ABCA8: variants seen among roughly 807,000 people sequenced by gnomAD.
ABCA8 encodes ABC-type organic anion transporter ABCA8.
Under a neutral mutation model 192.3 loss-of-function variants are expected in ABCA8, and 177 were observed. That is an observed-to-expected ratio of 0.92 (90% CI 0.81 to 1.04). The LOEUF is 1.04. Ranked by LOEUF, ABCA8 falls within the 50% of genes least tolerant of loss-of-function variation. The pLI, the probability that ABCA8 is intolerant of heterozygous loss-of-function variation, is 0.00. For missense variants in ABCA8, 1,915 were observed against 1,904.8 expected (o/e 1.01, Z -0.10); for synonymous variants, 642 against 690.2 (o/e 0.93, Z 1.09).
At position 68,888,108 on chromosome 17, in the gene ABCA8, T is replaced by C. The variant is rs185984601; in HGVS notation, c.3145-602A>G. Among the ~76,000 whole-genome samples, 259 of 148,694 alleles carry C rather than the reference T, an allele frequency of 1.7e-3. 2 individuals carry two copies. Among genetic ancestry groups the C allele is most frequent in the East Asian group, 0.011 (57 of 5,054 alleles). ...ACACACATACACACACACACACACA[T>C]ATATAATTGCTTTATCCTTTAATTG... is the stretch of plus-strand genomic sequence containing the variant. On this transcript the variant is annotated intron_variant, in intron 24 of 39. Coordinates refer to ENST00000586539, the MANE Select transcript of ABCA8 (RefSeq NM_001288985.2).
intron 21 of ABCA8, 63 bp from the exon 22 acceptor site, chr17:68,895,076 G>T: frequency 7.0e-7 from 1 of 1,427,954 alleles, no homozygotes; most frequent in South Asian, 1.7e-5. Flanking sequence ...AAGTTGTGTA[G>T]TCAAATTACA....
At chr17:68,917,924 C>T in intron 16 of ABCA8, 123 bp downstream of exon 16, 1 of 1,165,534 alleles carries the variant, frequency 8.6e-7, no homozygotes, top group Non-Finnish European at 1.2e-6. Flanking sequence ...TTACCACCAG[C>T]CATTCAATTT....
In ABCA8 at chr17:68,932,463, T is replaced by C. The variant is rs759861704; in HGVS notation, c.622A>G (p.Asn208Asp). Residue 208 changes from asparagine to aspartate, a missense_variant, in exon 7 of 40, where the codon AAT (asparagine) becomes GAT (aspartate). By Grantham distance (23) the Asn-to-Asp change is conservative. Transcript: ENST00000586539. ...CCAATGAAGGAATGCATCTTCATAT[T>C]TTTTCCAGTAACTGACATCAGCTCC... ...MEELMSVTGK[N>D]MKMHSFIGQS... is the part of the protein sequence containing the mutation. 6.2e-7 allele frequency: 1 copy of C among 1,613,984 alleles called. No homozygotes were observed. Among genetic ancestry groups the C allele is most frequent in the Non-Finnish European group, 8.5e-7 (1 of 1,179,842 alleles).
At chr17:68,884,981 C>T in intron 27 of ABCA8, 1 of 632,322 alleles carries the variant, frequency 1.6e-6, no homozygotes, top group South Asian at 7.0e-5. Context: ...ACCCCTTACC[C>T]TTCCTTCCCA....
chr17:68,868,032 A>T lies in ABCA8; in HGVS notation c.*53T>A. 8.1e-7 allele frequency: 1 copy of T among 1,227,620 alleles called. No homozygotes were observed. The highest frequency in any genetic ancestry group is 1.2e-6 in the Non-Finnish European group (1 of 869,020). The allele number at this position is 1,227,620 out of a possible 1,614,324, so 76.0% of individuals were successfully genotyped here. On this transcript the variant is annotated 3_prime_UTR_variant, in exon 40 of 40. Transcript: ENST00000586539. ...AATAGAACATTGCTGCTATAAAAAT[A>T]AATGTATTTAAAAAAAACCACGGGT...
intron 32 of ABCA8, chr17:68,878,889 C>T (rs1402185225): frequency 6.6e-6 from 1 of 152,250 alleles, no homozygotes; most frequent in East Asian, 1.9e-4. Flanking sequence ...GCATTCCAAG[C>T]TGTCTTTTCC....
At chr17:68,906,298 A>G (rs2067066220) in intron 18 of ABCA8, 135 bp from the exon 19 acceptor site, 2 of 553,282 alleles carry the variant, frequency 3.6e-6, no homozygotes, top group Non-Finnish European at 5.5e-6. Flanking sequence ...TTAACATTTC[A>G]TAATAGATCA....
Position 68,933,182 on chromosome 17 carries a change from C to T in ABCA8, c.556G>A (p.Ala186Thr), listed in dbSNP as rs759312667. Reference sequence around the variant, plus strand: ...TTTGTACTCACTTCTATAATAGCAGCATTAATGGCAGCTTGAAGAGCCACA... The same window carrying T: ...TTTGTACTCACTTCTATAATAGCAGTATTAATGGCAGCTTGAAGAGCCACA... ...GFVALQAAIN[A>T]AIIEITTNHS... is the part of the protein sequence containing the mutation. The change falls in exon 6 of 40, where the codon GCT becomes ACT. Residue 186 changes from alanine to threonine, a missense_variant. Ala to Thr is a moderately conservative substitution (Grantham distance 58). Transcript: ENST00000586539. 3 of 1,610,576 alleles carry T rather than the reference C, an allele frequency of 1.9e-6. No homozygotes were observed. The highest frequency in any genetic ancestry group is 2.5e-6 in the Non-Finnish European group (3 of 1,177,558).
At chr17:68,887,919 T>TA (rs1567830668) in intron 24 of ABCA8, among the ~76,000 whole-genome samples, 43 of 22,918 alleles carry the variant, frequency 1.9e-3, no homozygotes, top group East Asian at 0.01. Context: ...CATATATATA[T>TA]ATATATTATA....
intron 11 of ABCA8, among the ~76,000 whole-genome samples, chr17:68,922,844 TA>T (rs1357342325): frequency 6.6e-6 from 1 of 152,222 alleles, no homozygotes; most frequent in East Asian, 1.9e-4. Flanking sequence ...AGTGCTCTGT[TA>T]CCTTAACCAA....
intron 31 of ABCA8, 81 bp downstream of exon 31, chr17:68,881,782 G>T (rs1190478276): frequency 5.3e-6 from 5 of 941,830 alleles, no homozygotes; most frequent in African/African-American, 3.3e-5. Flanking sequence ...CCAAGAGGTG[G>T]TTTCCAGAAT....
At position 68,877,562 on chromosome 17, in the gene ABCA8, C is replaced by T. The variant is rs767871494; in HGVS notation, c.4156G>A (p.Val1386Met). Residue 1386 changes from valine (V) to methionine (M), a missense_variant, in exon 33 of 40, where the codon GTG (valine) becomes ATG (methionine). Transcript: ENST00000586539. The stretch of plus-strand genomic sequence containing the variant: ...GCATCCCCTTTCCTCAGCCCTTTCA[C>T]GGCGGCGTACACCTCCAGGTGCTGC... The part of the protein sequence containing the change: ...VRQHLEVYAA[V>M]KGLRKGDAEV... 3.1e-5 allele frequency: 50 copies of T among 1,613,810 alleles called. No homozygotes were observed. The highest frequency in any genetic ancestry group is 8.3e-5 in the Admixed American group (5 of 59,982).
intron 23 of ABCA8, among the ~76,000 whole-genome samples, chr17:68,892,489 G>A (rs929735692): frequency 6.6e-6 from 1 of 152,112 alleles, no homozygotes; most frequent in African/African-American, 2.4e-5. Flanking sequence ...TGAGTTGCTG[G>A]GGATATTGGT....
At chr17:68,908,766 T>C (rs552679958) in intron 17 of ABCA8, among the ~76,000 whole-genome samples, 9 of 152,318 alleles carry the variant, frequency 5.9e-5, no homozygotes, top group Admixed American at 2.0e-4. Context: ...AAAATATCAG[T>C]AGTGACTTGG....
At chr17:68,941,784 T>C (rs557437507) in intron 3 of ABCA8, among the ~76,000 whole-genome samples, 155 bp downstream of exon 3, 2 of 152,322 alleles carry the variant, frequency 1.3e-5, no homozygotes, top group Admixed American at 1.3e-4. Flanking sequence ...AACAGATTCA[T>C]GGCCTGAAGA....
At position 68,911,661 on chromosome 17, in the gene ABCA8, A is replaced by T. The variant is rs1250322858; in HGVS notation, c.2139-3782T>A. ...CAGTGCTGTATTGGCTTTAGATCTG[A>T]CCCAGCATAATCCTAGTGGTGGTGG... is the stretch of plus-strand genomic sequence containing the variant. On this transcript the variant is annotated intron_variant, in intron 17 of 39. Transcript: ENST00000586539. This position sits in a 1 kb window ranked among gnomAD's most constrained non-coding sequence, Gnocchi z 5.7. 2.0e-5 allele frequency among the ~76,000 whole-genome samples: 3 copies of T among 151,394 alleles called. No homozygotes were observed. The highest frequency in any genetic ancestry group is 4.4e-5 in the Non-Finnish European group (3 of 67,886).
intron 35 of ABCA8, 138 bp downstream of exon 35, chr17:68,876,322 A>G: frequency 1.1e-6 from 1 of 903,316 alleles, no homozygotes; most frequent in Non-Finnish European, 1.7e-6. Flanking sequence ...TTTGCAAAGT[A>G]TTGGTTTTAC....
intron 22 of ABCA8, 65 bp downstream of exon 22, chr17:68,894,815 C>T (rs370456692): frequency 8.1e-6 from 12 of 1,489,168 alleles, no homozygotes; most frequent in East Asian, 4.7e-5. Flanking sequence ...AGTTGGAAGC[C>T]TGAGTATATT....
At chr17:68,889,354 C>T (rs748156065) in intron 24 of ABCA8, among the ~76,000 whole-genome samples, 4 of 152,140 alleles carry the variant, frequency 2.6e-5, no homozygotes, top group African/African-American at 4.8e-5. Context: ...ACTGCTGAAT[C>T]GGAATCATCT....
Sources: gnomAD v4.1 joint callset for allele counts (sites outside exome capture counted in the v4.1 genomes callset) on GRCh38, gnomAD v4.1.1 for gene constraint, Gnocchi (gnomAD v3.1) non-coding constraint, MANE v1.5 for transcripts, NCBI Gene and HGNC (gene_info 2026-07-23, HGNC 2026-07-21) for gene names.